RAB9A: variants seen among roughly 807,000 people sequenced by gnomAD.
RAB9A encodes ras-related protein Rab-9A.
Under a neutral mutation model 10.3 loss-of-function variants are expected in RAB9A, and 1 was observed. The ratio of observed to expected loss-of-function variants is 0.10; its 90% confidence interval spans 0.03 to 0.46. The LOEUF is 0.46. Ranked by LOEUF, RAB9A falls within the 20% of genes least tolerant of loss-of-function variation. The probability of loss-of-function intolerance (pLI) is 0.96; values close to 1 mark genes in which losing one functional copy is unlikely to be tolerated. For missense variants in RAB9A, 92 were observed against 150.3 expected, an observed-to-expected ratio of 0.61 and a Z score of 2.03; for synonymous variants, 39 against 55.2, an observed-to-expected ratio of 0.71 and a Z score of 1.30.
At chrX:13,700,494 C>T (rs1302172326) in intron 1 of RAB9A, among the ~76,000 whole-genome samples, 13 of 111,854 alleles carry the variant, frequency 1.2e-4, no homozygotes, top group Admixed American at 1.0e-3. Context: ...TGAATTTTGC[C>T]GTATCTGCTG....
At chrX:13,703,239 G>A (rs1181992524) in intron 1 of RAB9A, among the ~76,000 whole-genome samples, 1 of 112,510 alleles carries the variant, frequency 8.9e-6, no homozygotes, top group Non-Finnish European at 1.9e-5. Flanking sequence ...AAGTGCCTGG[G>A]CTTTAGAGTC....
chrX:13,699,897 G>C (rs375159788), intron 1 of RAB9A, among the ~76,000 whole-genome samples: 3 of 112,153 alleles, frequency 2.7e-5, no homozygotes, highest in African/African-American at 9.7e-5. Flanking sequence ...GAGACAATTA[G>C]ATCCAGGACC....
chrX:13,700,506 C>T (rs897033820), intron 1 of RAB9A, among the ~76,000 whole-genome samples: 1 of 112,064 alleles, frequency 8.9e-6, no homozygotes, highest in Non-Finnish European at 1.9e-5. Context: ...TATCTGCTGG[C>T]AATGTGGTTC....
intron 1 of RAB9A, among the ~76,000 whole-genome samples, chrX:13,691,659 C>CAAAAAAA (rs765886332): frequency 5.0e-4 from 8 of 15,920 alleles, no homozygotes; most frequent in Admixed American, 1.1e-3. Flanking sequence ...GACTCCATCT[C>CAAAAAAA]AAAAAAAAAA....
intron 1 of RAB9A, among the ~76,000 whole-genome samples, chrX:13,698,964 CA>C (rs5901513): frequency 0.3 from 27,637 of 93,337 alleles, 3,058 homozygotes; most frequent in South Asian, 0.49. Flanking sequence ...TGAATTTGAC[CA>C]AAAAAAAAAA....
intron 1 of RAB9A, among the ~76,000 whole-genome samples, chrX:13,694,914 A>G (rs1365195905): frequency 9.0e-6 from 1 of 111,727 alleles, no homozygotes; most frequent in Non-Finnish European, 1.9e-5. Flanking sequence ...GACAGACAGG[A>G]AAGAGACTGC....
rs1243573380 is a variant in RAB9A, at chrX:13,709,134, G to A, written c.388G>A (p.Glu130Lys). The change falls in exon 3 of 3, where the codon GAA becomes AAA. Residue 130 changes from glutamate to lysine, a missense_variant. By Grantham distance (56) the Glu-to-Lys change is moderately conservative (BLOSUM62 1). Transcript: ENST00000464506. ...VILGNKIDIS[E>K]RQVSTEEAQA... ...TCTGGGTAACAAGATTGACATAAGC[G>A]AACGGCAGGTGTCTACAGAAGAAGC... 29 of 1,209,928 alleles carry A rather than the reference G, an allele frequency of 2.4e-5. No individual in the cohort carries two copies. Among genetic ancestry groups the A allele is most frequent in the Admixed American group, 4.4e-5 (2 of 45,704 alleles).
In RAB9A at chrX:13,690,165, G is replaced by T. The variant is rs1225921535; in HGVS notation, c.-116+877G>T. ...CTTCGGTCTCTGGCACCATTGTAAT[G>T]GAAAATCCCTACATTGCCTGTACTC... On this transcript the variant is annotated intron_variant, in intron 1 of 2. Transcript: ENST00000464506. 5.4e-5 allele frequency among the ~76,000 whole-genome samples: 6 copies of T among 111,752 alleles called. No homozygotes were observed. The East Asian group carries it at 1.7e-3, about 31-fold the overall frequency.
At chrX:13,706,375 A>G (rs1196651041) in intron 2 of RAB9A, among the ~76,000 whole-genome samples, 2 of 111,066 alleles carry the variant, frequency 1.8e-5, no homozygotes, top group African/African-American at 6.5e-5. Flanking sequence ...TAATTATAGT[A>G]GTAATTACTG....
At chrX:13,698,164 A>G (rs1160687718) in intron 1 of RAB9A, among the ~76,000 whole-genome samples, 2 of 101,663 alleles carry the variant, frequency 2.0e-5, no homozygotes, top group Non-Finnish European at 4.0e-5. Context: ...TTAGTTCCTT[A>G]ACTAAGTCTT....
chrX:13,700,294 C>T lies in RAB9A; in HGVS notation c.-115-3520C>T, dbSNP rs1388392461. Among the ~76,000 whole-genome samples, 5 of 111,818 alleles carry T rather than the reference C, an allele frequency of 4.5e-5. No homozygotes were observed. The East Asian group carries it at 1.4e-3, about 31-fold the overall frequency. ...TGCTTGGACCTTGAGGCTTTCTATTCTTCCCCTTGGTTTATTGTAGGATGT... is the reference window on the plus strand; with the variant it reads ...TGCTTGGACCTTGAGGCTTTCTATTTTTCCCCTTGGTTTATTGTAGGATGT... On this transcript the variant is annotated intron_variant, in intron 1 of 2. Transcript: ENST00000464506.
At chrX:13,699,190 G>A (rs1382563391) in intron 1 of RAB9A, among the ~76,000 whole-genome samples, 1 of 111,604 alleles carries the variant, frequency 9.0e-6, no homozygotes, top group Non-Finnish European at 1.9e-5. Flanking sequence ...TTTAAAGTGG[G>A]ATTCTCATTG....
At chrX:13,692,785 A>G (rs1043540075) in intron 1 of RAB9A, among the ~76,000 whole-genome samples, 1 of 112,002 alleles carries the variant, frequency 8.9e-6, no homozygotes, top group Non-Finnish European at 1.9e-5. Context: ...CACGCAATCA[A>G]CATGGCATCT....
chrX:13,693,673 C>G (rs773492763), intron 1 of RAB9A, among the ~76,000 whole-genome samples: 13 of 112,036 alleles, frequency 1.2e-4, no homozygotes, highest in Non-Finnish European at 2.4e-4. Context: ...ATGGTGAGTT[C>G]AGGCGTTGTT....
intron 1 of RAB9A, among the ~76,000 whole-genome samples, chrX:13,692,465 A>G (rs2046130230): frequency 8.9e-6 from 1 of 112,528 alleles, no homozygotes; most frequent in Non-Finnish European, 1.9e-5. Context: ...TATTTACAAG[A>G]ATCAAATTGA....
chrX:13,709,258 G>A lies in RAB9A; in HGVS notation c.512G>A (p.Arg171Lys). The change falls in exon 3 of 3, where the codon AGA becomes AAA. Residue 171 changes from arginine to lysine, a missense_variant. Physicochemically the swap from Arg to Lys is conservative, Grantham distance 26. Coordinates refer to ENST00000464506, the MANE Select transcript of RAB9A (RefSeq NM_004251.5). Reference protein sequence around the residue: ...VAAAFEEAVRRVLATEDRSDH... With the variant: ...VAAAFEEAVRKVLATEDRSDH... The stretch of plus-strand genomic sequence containing the variant: ...GCAGCCTTTGAGGAAGCGGTTCGAA[G>A]AGTTCTTGCTACCGAGGATAGGTCA... 2 of 1,211,780 alleles carry A rather than the reference G, an allele frequency of 1.7e-6. No individual in the cohort carries two copies. The highest frequency in any genetic ancestry group is 2.2e-6 in the Non-Finnish European group (2 of 895,549).
At chrX:13,691,061 G>A (rs939914905) in intron 1 of RAB9A, among the ~76,000 whole-genome samples, 3 of 111,383 alleles carry the variant, frequency 2.7e-5, no homozygotes, top group Non-Finnish European at 3.8e-5. Context: ...GTGGGTAGAG[G>A]CCAGGGATGC....
At chrX:13,701,264 TC>T (rs2046172627) in intron 1 of RAB9A, among the ~76,000 whole-genome samples, 2 of 108,533 alleles carry the variant, frequency 1.8e-5, no homozygotes, top group African/African-American at 6.7e-5. Flanking sequence ...GAATCTACCA[TC>T]TCCATATTTG....
chrX:13,690,355 C>A (rs372901046), intron 1 of RAB9A, among the ~76,000 whole-genome samples: 1 of 112,278 alleles, frequency 8.9e-6, no homozygotes, highest in African/African-American at 3.2e-5. Flanking sequence ...AAATCTAAGA[C>A]AATGCTGTGG....
Sources: allele counts gnomAD v4.1 joint callset (sites outside exome capture counted in the v4.1 genomes callset), GRCh38; gene constraint gnomAD v4.1.1; transcripts MANE v1.5; gene names NCBI Gene and HGNC (gene_info 2026-07-23, HGNC 2026-07-21).